Variants in ASB15 observed in about 807,000 individuals in gnomAD.
ASB15 encodes ankyrin repeat and SOCS box containing 15.
Under a neutral mutation model 58.0 loss-of-function variants are expected in ASB15, and 54 were observed. The observed-to-expected ratio is 0.93, with a 90% CI of 0.75 to 1.17. ASB15 has a LOEUF of 1.17. Ranked by LOEUF, ASB15 falls within the 50% of genes most tolerant of loss-of-function variation. The probability of loss-of-function intolerance (pLI) is 0.00; values close to 1 mark genes in which losing one functional copy is unlikely to be tolerated. For synonymous variants in ASB15, 249 were observed against 262.4 expected (o/e 0.95, Z 0.50); for missense variants, 680 against 707.4 (o/e 0.96, Z 0.44).
At chr7:123,617,367 AT>A (rs5887146) in intron 6 of ASB15, among the ~76,000 whole-genome samples, 2,572 of 152,254 alleles carry the variant, frequency 0.017, 75 homozygotes, top group African/African-American at 0.059. Context: ...CTAGAAACAG[AT>A]TTTTGGTTTT....
At chr7:123,578,865 A>G (rs1386881161) in intron 1 of ASB15, among the ~76,000 whole-genome samples, 2 of 152,102 alleles carry the variant, frequency 1.3e-5, no homozygotes, top group African/African-American at 2.4e-5. Context: ...GTTTGTCTTC[A>G]TTAACATAAA....
intron 1 of ASB15, among the ~76,000 whole-genome samples, chr7:123,585,699 T>A (rs1011824784): frequency 6.6e-6 from 1 of 151,642 alleles, no homozygotes; most frequent in Non-Finnish European, 1.5e-5. Context: ...TAGCAAACTT[T>A]AAGTATACTA....
upstream of ASB15, among the ~76,000 whole-genome samples, chr7:123,597,236 T>C (rs946667846): frequency 6.6e-6 from 1 of 152,228 alleles, no homozygotes; most frequent in Non-Finnish European, 1.5e-5. Flanking sequence ...ATATTCACTC[T>C]GCATATGTCA....
chr7:123,633,028 A>G (rs747482596), intron 11 of ASB15, among the ~76,000 whole-genome samples: 8 of 152,202 alleles, frequency 5.3e-5, no homozygotes, highest in Non-Finnish European at 1.0e-4. Context: ...TCCAATGATC[A>G]ATGTAGGCAA....
intron 1 of ASB15, among the ~76,000 whole-genome samples, chr7:123,572,511 G>A (rs76728037): frequency 0.019 from 2,812 of 151,234 alleles, 80 homozygotes; most frequent in African/African-American, 0.064. Context: ...TATATTTTAT[G>A]TTCTTTTCAG....
At position 123,574,676 on chromosome 7, in the gene ASB15, A is replaced by G. The variant is rs570842467; in HGVS notation, c.-443+7588A>G. Among the ~76,000 whole-genome samples, 5 of 151,766 alleles carry G rather than the reference A, an allele frequency of 3.3e-5. No individual in the cohort carries two copies. In the South Asian group the frequency reaches 1.0e-3, roughly 32 times the overall value. ...GAACCTCATTCTACTTGCCAATTCC[A>G]TTTCTCCATCTCTGTGGCAGTCTTA... On this transcript the variant is annotated intron_variant, in intron 1 of 13. Transcript: ENST00000451558.
chr7:123,599,798 C>T (rs1266882557), upstream of ASB15, among the ~76,000 whole-genome samples: 1 of 152,160 alleles, frequency 6.6e-6, no homozygotes, highest in Admixed American at 6.6e-5. Context: ...ATTTGGATGT[C>T]AGTGTCATTT....
intron 1 of ASB15, among the ~76,000 whole-genome samples, chr7:123,571,767 G>A (rs1798913549): frequency 6.6e-6 from 1 of 152,156 alleles, no homozygotes; most frequent in African/African-American, 2.4e-5. Flanking sequence ...GAAAGAAGTT[G>A]ATAATATAGT....
intron 2 of ASB15, 98 bp from the exon 3 acceptor site, chr7:123,608,496 G>C (rs962614092): frequency 6.6e-5 from 10 of 152,036 alleles, no homozygotes; most frequent in Non-Finnish European, 7.4e-5. Context: ...GACTAAGATT[G>C]TTTGTGTGTG....
rs572985367 is a variant in ASB15, at chr7:123,627,171, TG to T, written c.761del (p.Gly254AlafsTer39). 8.8e-4 allele frequency: 1,415 copies of T among 1,613,890 alleles called. 2 individuals carry two copies. The highest frequency in any genetic ancestry group is 1.1e-3 in the Non-Finnish European group (1,313 of 1,179,898). The part of the protein sequence containing the change: ...ASVLFEAAGG[G>X]NPDCISLLLE... ...CGGTGCTGTTTGAGGCAGCAGGAGG[TG>T]GCAATCCCGACTGCATTTCCCTCCT... On this transcript the variant is annotated frameshift_variant, in exon 9 of 12. Coordinates refer to ENST00000451215, the MANE Select transcript of ASB15 (RefSeq NM_001290258.2). LOFTEE classifies it high-confidence loss of function.
chr7:123,584,092 A>G (rs1799310014), intron 1 of ASB15, among the ~76,000 whole-genome samples: 1 of 151,864 alleles, frequency 6.6e-6, no homozygotes, highest in Admixed American at 6.6e-5. Flanking sequence ...GGTTTTAAGT[A>G]TCACTAATTT....
At chr7:123,602,976 G>A (rs1376937183) in intron 1 of ASB15, among the ~76,000 whole-genome samples, 2 of 152,034 alleles carry the variant, frequency 1.3e-5, no homozygotes, top group African/African-American at 4.8e-5. Context: ...TGTAAAGTGG[G>A]GGAGAATTAT....
At chr7:123,586,003 C>T (rs548248790) in intron 1 of ASB15, among the ~76,000 whole-genome samples, 13 of 151,810 alleles carry the variant, frequency 8.6e-5, no homozygotes, top group African/African-American at 2.9e-4. Context: ...GTTAATTCCA[C>T]CTCTTGCTTA....
At chr7:123,635,962 A>G (rs1472434029) in intron 11 of ASB15, among the ~76,000 whole-genome samples, 1 of 152,108 alleles carries the variant, frequency 6.6e-6, no homozygotes, top group East Asian at 1.9e-4. Context: ...ATGACAGTTA[A>G]TATTTATCGA....
chr7:123,583,199 G>A (rs930611207), intron 1 of ASB15, among the ~76,000 whole-genome samples: 4 of 151,696 alleles, frequency 2.6e-5, no homozygotes, highest in African/African-American at 9.7e-5. Context: ...AAGATCAGCT[G>A]GGGCAATTAT....
intron 1 of ASB15, among the ~76,000 whole-genome samples, chr7:123,575,036 C>G (rs1391932132): frequency 1.4e-5 from 2 of 145,944 alleles, no homozygotes; most frequent in African/African-American, 2.5e-5. Flanking sequence ...GGCTTACTTG[C>G]ATTTAATATG....
rs776528506 is a variant in ASB15 at position 123,627,094 on chromosome 7, C to T, written c.698-16C>T. ...ATACCATCCAGTTATCATTATGCCACGTTTTATACTGCCAGGTGGTGATGT... is the reference window on the plus strand; with the variant it reads ...ATACCATCCAGTTATCATTATGCCATGTTTTATACTGCCAGGTGGTGATGT... On this transcript the variant is annotated splice_polypyrimidine_tract_variant and intron_variant, in intron 8 of 11. Transcript: ENST00000451215. The T allele has an allele frequency of 3.4e-5, 54 of 1,605,990 alleles. No homozygotes were observed. Among genetic ancestry groups the T allele is most frequent in the Non-Finnish European group, 4.3e-5 (51 of 1,174,692 alleles).
intron 7 of ASB15, chr7:123,620,356 G>C (rs1801156009): frequency 6.6e-6 from 1 of 150,936 alleles, no homozygotes; most frequent in Non-Finnish European, 1.5e-5. Context: ...CATAGTCTCT[G>C]CATACATTTT....
At position 123,636,945 on chromosome 7, in the gene ASB15, G is replaced by C; in HGVS notation, c.1731G>C (p.Glu577Asp). 1 of 1,577,394 alleles carries C rather than the reference G, an allele frequency of 6.3e-7. No individual in the cohort carries two copies. The highest frequency in any genetic ancestry group is 1.4e-5 in the African/African-American group (1 of 74,054). Residue 577 changes from glutamate (E) to aspartate (D), a missense_variant, in exon 12 of 12, where the codon GAG becomes GAC. Coordinates refer to ENST00000451215, the MANE Select transcript of ASB15 (RefSeq NM_001290258.2). ...TTCAAAGATACATATTATTTAAAGA[G>C]TATGATCTCTATGGACAAGAGCTAA... ...PAIQRYILFK[E>D]YDLYGQELKL...
Sources: allele counts gnomAD v4.1 joint callset (sites outside exome capture counted in the v4.1 genomes callset), GRCh38; gene constraint gnomAD v4.1.1; transcripts MANE v1.5; gene names NCBI Gene and HGNC (gene_info 2026-07-23, HGNC 2026-07-21).